FOXN3: variants seen among roughly 807,000 people sequenced by gnomAD.
The protein encoded by FOXN3 is forkhead box N3, also known as forkhead box protein N3.
In FOXN3, 7 loss-of-function variants were observed where a neutral mutation model predicts 38.4. The ratio of observed to expected loss-of-function variants is 0.18; its 90% CI spans 0.10 to 0.34. The LOEUF is 0.34. Ranked by LOEUF, FOXN3 falls within the 10% of genes least tolerant of loss-of-function variation. The pLI, the probability that FOXN3 is intolerant of heterozygous loss-of-function variation, is 1.00. For synonymous variants in FOXN3, 230 were observed against 242.2 expected, an observed-to-expected ratio of 0.95 and a Z score of 0.47; for missense variants, 456 against 613.4, an observed-to-expected ratio of 0.74 and a Z score of 2.71.
intron 1 of FOXN3, among the ~76,000 whole-genome samples, chr14:89,492,627 G>C (rs969949823): frequency 1.3e-5 from 2 of 152,146 alleles, no homozygotes; most frequent in African/African-American, 2.4e-5. Flanking sequence ...CAGAAGGATC[G>C]CTAGAGCCCA....
chr14:89,483,865 C>G (rs889504303), intron 1 of FOXN3, among the ~76,000 whole-genome samples: 3 of 152,166 alleles, frequency 2.0e-5, no homozygotes, highest in African/African-American at 4.8e-5. Context: ...CCATAGCTTA[C>G]TCATGGTAAG....
At chr14:89,335,736 C>T (rs575587257) in intron 3 of FOXN3, among the ~76,000 whole-genome samples, 5 of 152,186 alleles carry the variant, frequency 3.3e-5, no homozygotes, top group South Asian at 4.1e-4. Context: ...AGATTCAGGA[C>T]GGTGGTTAGA....
chr14:89,527,563 A>C (rs1323874240), intron 1 of FOXN3, among the ~76,000 whole-genome samples: 1 of 152,230 alleles, frequency 6.6e-6, no homozygotes, highest in Non-Finnish European at 1.5e-5. Context: ...AATGGGCAAA[A>C]GACCTGAATA....
rs751560721 is a variant in FOXN3 at position 89,412,272 on chromosome 14, T to C, written c.205A>G (p.Ser69Gly). The C allele has an allele frequency of 6.2e-7, 1 of 1,614,086 alleles. No homozygotes were observed. The highest frequency in any genetic ancestry group is 8.5e-7 in the Non-Finnish European group (1 of 1,180,038). The change falls in exon 2 of 6, where the codon AGC (serine) becomes GGC (glycine). Residue 69 changes from serine (S) to glycine (G), a missense_variant. Ser to Gly is a moderately conservative substitution (Grantham distance 56). Coordinates refer to ENST00000557258, the MANE Select transcript of FOXN3 (RefSeq NM_005197.4). This position sits in a 1 kb window ranked among gnomAD's most constrained non-coding sequence, Gnocchi z 4.7. ...CCAAAGCTCTTCAGCAAGTTCTTGC[T>C]CTCGTGCAGCCAGTTCAGGTTGGTC... ...ELTNLNWLHESKNLLKSFGES... is the reference protein window; with the variant it reads ...ELTNLNWLHEGKNLLKSFGES...
At chr14:89,513,932 ACG>A (rs1894150645) in intron 1 of FOXN3, among the ~76,000 whole-genome samples, 1 of 150,700 alleles carries the variant, frequency 6.6e-6, no homozygotes. Flanking sequence ...ACACACACGC[ACG>A]CACACACGCA....
intron 2 of FOXN3, among the ~76,000 whole-genome samples, chr14:89,384,210 G>A (rs948151677): frequency 1.3e-5 from 2 of 152,236 alleles, no homozygotes; most frequent in African/African-American, 4.8e-5. Flanking sequence ...AGCTGAGGAT[G>A]ACAGCTGTGG....
At chr14:89,488,647 C>G (rs1893503357) in intron 1 of FOXN3, among the ~76,000 whole-genome samples, 1 of 150,890 alleles carries the variant, frequency 6.6e-6, no homozygotes, top group South Asian at 2.1e-4. Context: ...AAAACTACAT[C>G]CAGTTTACTT....
At chr14:89,471,579 G>A (rs1893095885) in intron 1 of FOXN3, among the ~76,000 whole-genome samples, 1 of 151,726 alleles carries the variant, frequency 6.6e-6, no homozygotes, top group Non-Finnish European at 1.5e-5. Flanking sequence ...GCAGGACCTT[G>A]TCTCAAAAAA....
At chr14:89,401,899 A>G (rs1891258883) in intron 2 of FOXN3, among the ~76,000 whole-genome samples, 1 of 152,174 alleles carries the variant, frequency 6.6e-6, no homozygotes, top group South Asian at 2.1e-4. Context: ...AAGGAAGGGT[A>G]ATTGGAGAGC....
At chr14:89,378,847 C>T (rs1045669948) in intron 2 of FOXN3, among the ~76,000 whole-genome samples, 2 of 152,010 alleles carry the variant, frequency 1.3e-5, no homozygotes, top group Non-Finnish European at 2.9e-5. Context: ...CCTGGGATTA[C>T]AGGCACACAC....
intron 2 of FOXN3, among the ~76,000 whole-genome samples, chr14:89,410,898 AAAAGAAAAAAG>A (rs947562411): frequency 7.4e-5 from 11 of 148,012 alleles, no homozygotes. Flanking sequence ...AAAAAAAGAA[AAAAGAAAAAAG>A]AAAGAAAAAG....
intron 4 of FOXN3, among the ~76,000 whole-genome samples, chr14:89,237,728 T>C (rs1366940647): frequency 6.6e-6 from 1 of 152,242 alleles, no homozygotes; most frequent in Non-Finnish European, 1.5e-5. Context: ...CATTGAGAAG[T>C]ACAGTAAAGT....
intron 4 of FOXN3, among the ~76,000 whole-genome samples, chr14:89,247,051 A>C (rs994050728): frequency 6.6e-6 from 1 of 151,916 alleles, no homozygotes; most frequent in Non-Finnish European, 1.5e-5. Context: ...CCCAATAGTC[A>C]GTCTGTTGAT....
intron 1 of FOXN3, among the ~76,000 whole-genome samples, chr14:89,599,044 G>C (rs1233219475): frequency 1.3e-5 from 2 of 151,806 alleles, no homozygotes; most frequent in Non-Finnish European, 2.9e-5. Context: ...CATATATTAG[G>C]CCTTTCCACC....
At chr14:89,352,008 T>A (rs1317122827) in intron 2 of FOXN3, among the ~76,000 whole-genome samples, 1 of 152,200 alleles carries the variant, frequency 6.6e-6, no homozygotes, top group Non-Finnish European at 1.5e-5. Flanking sequence ...TACTTTATTA[T>A]CAACAACATC....
At chr14:89,346,639 T>G (rs1167683903) in intron 3 of FOXN3, among the ~76,000 whole-genome samples, 1 of 152,196 alleles carries the variant, frequency 6.6e-6, no homozygotes, top group East Asian at 1.9e-4. Flanking sequence ...TTTCATCACC[T>G]GTGGCATACT....
At chr14:89,364,231 G>T (rs534141054) in intron 2 of FOXN3, among the ~76,000 whole-genome samples, 1 of 142,966 alleles carries the variant, frequency 7.0e-6, no homozygotes. Context: ...TAACAAGATC[G>T]ACAATTACTC....
At chr14:89,319,589 C>T (rs1887841271) in intron 3 of FOXN3, among the ~76,000 whole-genome samples, 1 of 152,072 alleles carries the variant, frequency 6.6e-6, no homozygotes, top group African/African-American at 2.4e-5. Flanking sequence ...CCAGGAGCCC[C>T]ACTTCTAGGT....
intron 3 of FOXN3, among the ~76,000 whole-genome samples, chr14:89,298,023 T>C (rs561359552): frequency 6.6e-6 from 1 of 152,124 alleles, no homozygotes; most frequent in East Asian, 1.9e-4. Flanking sequence ...AGAAACATTA[T>C]TCACAATAGC....
Sources: gnomAD v4.1 joint callset for allele counts (sites outside exome capture counted in the v4.1 genomes callset) on GRCh38, gnomAD v4.1.1 for gene constraint, Gnocchi (gnomAD v3.1) non-coding constraint, MANE v1.5 for transcripts, NCBI Gene and HGNC (gene_info 2026-07-23, HGNC 2026-07-21) for gene names.